Variants in PHETA1 observed in about 807,000 individuals in gnomAD.
PHETA1 encodes the protein sesquipedalian-1.
For synonymous variants in PHETA1, 155 were observed against 168.9 expected, an observed-to-expected ratio of 0.92 and a Z score of 0.64; for missense variants, 348 against 373.5, an observed-to-expected ratio of 0.93 and a Z score of 0.56.
chr12:111,363,446 T>C lies in PHETA1; in HGVS notation c.-19A>G, dbSNP rs1282497302. 6.2e-7 allele frequency: 1 copy of C among 1,602,652 alleles called. No individual in the cohort carries two copies. The highest frequency in any genetic ancestry group is 1.1e-5 in the South Asian group (1 of 90,202). On this transcript the variant is annotated 5_prime_UTR_variant, in exon 3 of 3. Transcript: ENST00000683047. The surrounding 1 kb of genome is among the most constrained non-coding windows in gnomAD (Gnocchi z 7.4). ...GCTTCATGGTGGCAATCGCGGGGCC[T>C]GGAGGGGAGCCTGGGGCCTGGACCC...
Position 111,361,115 on chromosome 12 carries a change from C to G in PHETA1, c.*1563G>C, listed in dbSNP as rs1026701792. The G allele has an allele frequency of 6.6e-6, 1 of 152,194 alleles. No homozygotes were observed. The highest frequency in any genetic ancestry group is 2.4e-5 in the African/African-American group (1 of 41,436). The allele number at this position is 152,194 out of a possible 1,614,324, so 9.4% of individuals were successfully genotyped here. On this transcript the variant is annotated 3_prime_UTR_variant, in exon 3 of 3. Transcript: ENST00000683047. ...TGTCTCTGGCTGTGCTTCTCCAGCC[C>G]AAGCTGCCCCTCTCCCCGGGGGCAG...
At chr12:111,365,595 G>T (rs979618966) in intron 2 of PHETA1, 10 of 454,822 alleles carry the variant, frequency 2.2e-5, no homozygotes, top group African/African-American at 8.0e-5. Flanking sequence ...AAAAAGGAAT[G>T]AGATCATGTC....
intron 1 of PHETA1, among the ~76,000 whole-genome samples, chr12:111,366,709 A>C (rs1869053274): frequency 6.6e-6 from 1 of 152,032 alleles, no homozygotes; most frequent in Admixed American, 6.6e-5. Context: ...GATCCTGTGA[A>C]AATTAAGTCC....
At position 111,363,305 on chromosome 12, in the gene PHETA1, C is replaced by T. The variant is rs753287959; in HGVS notation, c.123G>A (p.Leu41=). 1.9e-6 allele frequency: 3 copies of T among 1,613,170 alleles called. No homozygotes were observed. In the East Asian group the frequency reaches 6.7e-5, roughly 36 times the overall value. The change falls in exon 3 of 3, where the codon CTG becomes CTA. Residue 41 remains leucine (L), a synonymous_variant. Coordinates refer to ENST00000683047, the MANE Select transcript of PHETA1 (RefSeq NM_144671.6). This position sits in a 1 kb window ranked among gnomAD's most constrained non-coding sequence, Gnocchi z 7.4. ...HAAYHRRWFV[L]RGNMLFYFED... The stretch of plus-strand genomic sequence containing the variant: ...CGAAGTAGAAGAGCATGTTCCCGCG[C>T]AGCACGAACCAGCGCCGGTGGTAGG...
Position 111,362,990 on chromosome 12 carries a change from C to A in PHETA1, c.438G>T (p.Leu146=). 6.7e-7 allele frequency: 1 copy of A among 1,483,898 alleles called. No homozygotes were observed. Among genetic ancestry groups the A allele is most frequent in the East Asian group, 2.4e-5 (1 of 41,318 alleles). 91.9% of individuals were successfully genotyped at this position (1,483,898 alleles called of 1,614,324 possible). A position where few individuals can be genotyped will look rare whatever the true frequency, so the allele number is the denominator to read the frequency against. The change falls in exon 3 of 3, where the codon CTG becomes CTT. Residue 146 remains leucine (L), a synonymous_variant. Transcript: ENST00000683047. The stretch of plus-strand genomic sequence containing the variant: ...CAGAGGGCAGGGACGGGGGCAAGGG[C>A]AGGGACTGGGGCTGGGGCTGGGGCA... The part of the protein sequence containing the change: ...MALPQPQPQS[L]PLPPSLPSAL...
At position 111,368,714 on chromosome 12, in the gene PHETA1, C is replaced by T. The variant is rs1314901958; in HGVS notation, c.-182+198G>A. Reference sequence around the variant, plus strand: ...CGCAGTCCCCACCAGCGGCAGACGTCCCTATGGGCTGAGAGAGGGGAGGGT... The same window carrying T: ...CGCAGTCCCCACCAGCGGCAGACGTTCCTATGGGCTGAGAGAGGGGAGGGT... On this transcript the variant is annotated intron_variant, in intron 1 of 2. Coordinates refer to ENST00000683047, the MANE Select transcript of PHETA1 (RefSeq NM_144671.6). The surrounding 1 kb of genome is among the most constrained non-coding windows in gnomAD (Gnocchi z 5.0). 6.6e-6 allele frequency among the ~76,000 whole-genome samples: 1 copy of T among 152,254 alleles called. No individual in the cohort carries two copies. Among genetic ancestry groups the T allele is most frequent in the East Asian group, 1.9e-4 (1 of 5,200 alleles).
chr12:111,362,957 G>A lies in PHETA1; in HGVS notation c.471C>T (p.Ala157=). The change falls in exon 3 of 3, where the codon GCC becomes GCT. Residue 157 remains alanine, a synonymous_variant. Coordinates refer to ENST00000683047, the MANE Select transcript of PHETA1 (RefSeq NM_144671.6). ...GGGCAGAAGGCAGGGATGGGACTGG[G>A]GCCAGGGCAGAGGGCAGGGACGGGG... The part of the protein sequence containing the change: ...PLPPSLPSAL[A]PVPSLPSAPA... 1 of 1,484,470 alleles carries A rather than the reference G, an allele frequency of 6.7e-7. No individual in the cohort carries two copies. Among genetic ancestry groups the A allele is most frequent in the Non-Finnish European group, 8.9e-7 (1 of 1,121,242 alleles). The allele number at this position is 1,484,470 out of a possible 1,614,324, so 92.0% of individuals were successfully genotyped here. A position where few individuals can be genotyped will look rare whatever the true frequency, so the allele number is the denominator to read the frequency against.
In PHETA1 at chr12:111,363,089, G is replaced by GA. The variant is rs1565947154; in HGVS notation, c.338dup (p.Asp114ArgfsTer81). 1 of 1,590,886 alleles carries GA rather than the reference G, an allele frequency of 6.3e-7. No homozygotes were observed. Among genetic ancestry groups the GA allele is most frequent in the South Asian group, 1.1e-5 (1 of 89,708 alleles). On this transcript the variant is annotated frameshift_variant, in exon 3 of 3. Transcript: ENST00000683047. LOFTEE classifies it low-confidence loss of function (END_TRUNC). This position sits in a 1 kb window ranked among gnomAD's most constrained non-coding sequence, Gnocchi z 7.4. ...CGCGCACCACCAGCCGCAGGTAGTC[G>GA]AAGCTGGCACGCGACAGGGCCTTGA...
chr12:111,362,545 AGGCCACTCAGGGCC>A lies in PHETA1; in HGVS notation c.*119_*132del. 6.5e-7 allele frequency: 1 copy of A among 1,532,214 alleles called. No individual in the cohort carries two copies. The highest frequency in any genetic ancestry group is 2.4e-5 in the East Asian group (1 of 40,820). 94.9% of individuals were successfully genotyped at this position (1,532,214 alleles called of 1,614,324 possible). On this transcript the variant is annotated 3_prime_UTR_variant, in exon 3 of 3. Coordinates refer to ENST00000683047, the MANE Select transcript of PHETA1 (RefSeq NM_144671.6). ...CTCAGAGCCTGCATCCCCCAAAACC[AGGCCACTCAGGGCC>A]TGGGGGCCAGCCTTGCCCATGATTT...
rs761501826 is a variant in PHETA1, at chr12:111,363,877, G to A, written c.-36-414C>T. ...GGTGTCACAAAGCAGGTTGGGCAGG[G>A]CTGAAATCCAAACCCAGGCCTCATT... On this transcript the variant is annotated intron_variant, in intron 2 of 2. Transcript: ENST00000683047. The surrounding 1 kb of genome is among the most constrained non-coding windows in gnomAD (Gnocchi z 7.4). The A allele has an allele frequency of 6.9e-6, 4 of 580,222 alleles. No homozygotes were observed. Among genetic ancestry groups the A allele is most frequent in the Non-Finnish European group, 1.0e-5 (4 of 383,812 alleles). The allele number at this position is 580,222 out of a possible 1,614,324, so 35.9% of individuals were successfully genotyped here. A position where few individuals can be genotyped will look rare whatever the true frequency, so the allele number is the denominator to read the frequency against.
intron 2 of PHETA1, chr12:111,365,796 C>A: frequency 3.0e-6 from 1 of 332,654 alleles, no homozygotes; most frequent in East Asian, 9.2e-5. Context: ...ACTTAGAGAA[C>A]GGGTCAATGG....
chr12:111,365,283 T>C lies in PHETA1; in HGVS notation c.-37+830A>G, dbSNP rs887945776. Among the ~76,000 whole-genome samples the C allele has an allele frequency of 3.3e-5, 5 of 152,228 alleles. No individual in the cohort carries two copies. The South Asian group carries it at 1.0e-3, about 32-fold the overall frequency. ...TAAAGTCCTGGTACGCAGTAGGCACTCAGTGTTCATTCCCCTGCCTGGGTG... is the reference window on the plus strand; with the variant it reads ...TAAAGTCCTGGTACGCAGTAGGCACCCAGTGTTCATTCCCCTGCCTGGGTG... On this transcript the variant is annotated intron_variant, in intron 2 of 2. Transcript: ENST00000683047.
At chr12:111,366,074 C>G (rs1021606094) in intron 2 of PHETA1, 39 bp downstream of exon 2, 9 of 162,238 alleles carry the variant, frequency 5.5e-5, no homozygotes, top group African/African-American at 2.2e-4. Context: ...CCGGTTCTCA[C>G]AGGACCCTCC....
chr12:111,362,439 A>C lies in PHETA1; in HGVS notation c.*239T>G. 9.4e-7 allele frequency: 1 copy of C among 1,068,586 alleles called. No individual in the cohort carries two copies. The highest frequency in any genetic ancestry group is 1.7e-5 in the South Asian group (1 of 59,116). 66.2% of individuals were successfully genotyped at this position (1,068,586 alleles called of 1,614,324 possible). A position where few individuals can be genotyped will look rare whatever the true frequency, so the allele number is the denominator to read the frequency against. On this transcript the variant is annotated 3_prime_UTR_variant, in exon 3 of 3. Transcript: ENST00000683047. The stretch of plus-strand genomic sequence containing the variant: ...CCCCCTCAGGCCCTGGATTCTCCTT[A>C]GTGTTGCACGTGACGTTCCCCTCAA...
chr12:111,362,729 C>A lies in PHETA1; in HGVS notation c.699G>T (p.Gln233His). ...ACTGGCCACGCAGGGCCCGGATCTC[C>A]TGGCCATAGCACTCGTGCAGCCGGG... ...PFARLHECYG[Q>H]EIRALRGQWL... The change falls in exon 3 of 3, where the codon CAG (glutamine) becomes CAT (histidine). Residue 233 changes from glutamine to histidine, a missense_variant. Gln to His is a conservative substitution (Grantham distance 24). Coordinates refer to ENST00000683047, the MANE Select transcript of PHETA1 (RefSeq NM_144671.6). 6.5e-7 allele frequency: 1 copy of A among 1,546,310 alleles called. No individual in the cohort carries two copies.
rs182027362 is a variant in PHETA1, at chr12:111,364,598, C to A, written c.-36-1135G>T. ...ACCAGCCTGGCCAACATGGCAAAAC[C>A]CCATCTCTACTAAAAAACAGCCAGG... On this transcript the variant is annotated intron_variant, in intron 2 of 2. Transcript: ENST00000683047. Among the ~76,000 whole-genome samples the A allele has an allele frequency of 3.0e-4, 45 of 152,016 alleles. 1 individual carries two copies. In the East Asian group the frequency reaches 8.4e-3, roughly 28 times the overall value.
Position 111,362,476 on chromosome 12 carries a change from C to T in PHETA1, c.*202G>A. 1 of 1,355,372 alleles carries T rather than the reference C, an allele frequency of 7.4e-7. No homozygotes were observed. Among genetic ancestry groups the T allele is most frequent in the Non-Finnish European group, 9.8e-7 (1 of 1,019,014 alleles). 84.0% of individuals were successfully genotyped at this position (1,355,372 alleles called of 1,614,324 possible). ...GACGTTCCCCTCAAGGGTAGGCCTT[C>T]TGGGTCACATGGTCCTAAAGGCCCA... On this transcript the variant is annotated 3_prime_UTR_variant, in exon 3 of 3. Coordinates refer to ENST00000683047, the MANE Select transcript of PHETA1 (RefSeq NM_144671.6).
At position 111,368,331 on chromosome 12, in the gene PHETA1, C is replaced by G. The variant is rs747625078; in HGVS notation, c.-182+581G>C. Among the ~76,000 whole-genome samples the G allele has an allele frequency of 1.3e-5, 2 of 152,188 alleles. No homozygotes were observed. The highest frequency in any genetic ancestry group is 2.9e-5 in the Non-Finnish European group (2 of 68,032). On this transcript the variant is annotated intron_variant, in intron 1 of 2. Coordinates refer to ENST00000683047, the MANE Select transcript of PHETA1 (RefSeq NM_144671.6). This position sits in a 1 kb window ranked among gnomAD's most constrained non-coding sequence, Gnocchi z 5.0. ...AAGCATGGCATTTTGGCACTCACAT[C>G]AACGAAAAGAAGCCAGTACCGCAGG...
rs1171837142 is a variant in PHETA1, at chr12:111,362,714, C to A, written c.714G>T (p.Leu238=). The A allele has an allele frequency of 6.5e-7, 1 of 1,547,878 alleles. No homozygotes were observed. Among genetic ancestry groups the A allele is most frequent in the Non-Finnish European group, 8.7e-7 (1 of 1,146,824 alleles). Residue 238 remains leucine (L), a synonymous_variant, in exon 3 of 3, where the codon CTG becomes CTT. Coordinates refer to ENST00000683047, the MANE Select transcript of PHETA1 (RefSeq NM_144671.6). ...CCCGGCTGCTGAGCCACTGGCCACGCAGGGCCCGGATCTCCTGGCCATAGC... is the reference window on the plus strand; with the variant it reads ...CCCGGCTGCTGAGCCACTGGCCACGAAGGGCCCGGATCTCCTGGCCATAGC... ...HECYGQEIRA[L]RGQWLSSRVQ... is the part of the protein sequence containing the mutation.
Sources: gnomAD v4.1 joint callset for allele counts (sites outside exome capture counted in the v4.1 genomes callset) on GRCh38, gnomAD v4.1.1 for gene constraint, Gnocchi (gnomAD v3.1) non-coding constraint, MANE v1.5 for transcripts, NCBI Gene and HGNC (gene_info 2026-07-23, HGNC 2026-07-21) for gene names.